Variants in DSC1 observed in about 807,000 individuals in gnomAD.
The protein encoded by DSC1 is desmocollin 1, also known as desmocollin-1.
In DSC1, 79 loss-of-function variants were observed where a neutral mutation model predicts 98.8. The observed-to-expected ratio is 0.80, with a 90% CI of 0.67 to 0.96. The LOEUF is 0.96. Among genes scored for constraint, DSC1 ranks in the 50% least tolerant of loss-of-function variants. The pLI is 0.00. For missense variants in DSC1, 1,115 were observed against 1,075.9 expected, an observed-to-expected ratio of 1.04 and a Z score of -0.51; for synonymous variants, 405 against 372.1, an observed-to-expected ratio of 1.09 and a Z score of -1.02.
intron 5 of DSC1, among the ~76,000 whole-genome samples, chr18:31,152,158 T>C (rs1480346961): frequency 7.0e-6 from 1 of 142,858 alleles, no homozygotes; most frequent in Non-Finnish European, 1.5e-5. Flanking sequence ...TGACACCCTA[T>C]ATCAAAAAAA....
intron 3 of DSC1, among the ~76,000 whole-genome samples, chr18:31,156,444 A>T (rs1989100103): frequency 6.6e-6 from 1 of 152,218 alleles, no homozygotes; most frequent in South Asian, 2.1e-4. Flanking sequence ...CCTAAAATAG[A>T]TAATTCATTA....
In DSC1 at chr18:31,154,861, T is replaced by C. The variant is rs1989065020; in HGVS notation, c.540A>G (p.Glu180=). The C allele has an allele frequency of 6.2e-7, 1 of 1,614,064 alleles. No individual in the cohort carries two copies. The highest frequency in any genetic ancestry group is 8.5e-7 in the Non-Finnish European group (1 of 1,179,982). The change falls in exon 5 of 16, where the codon GAA becomes GAG. Residue 180 remains glutamate (E), a synonymous_variant. Transcript: ENST00000257198. ...YSISGPGVDK[E]PFNLFYIEKD... is the part of the protein sequence containing the mutation. ...TCTCTATGTAAAACAAATTGAAGGG[T>C]TCTTTGTCCACGCCTGGCCCACTTA... is the stretch of plus-strand genomic sequence containing the variant.
intron 4 of DSC1, 120 bp from the exon 5 acceptor site, chr18:31,155,049 CT>C (rs2143927138): frequency 1.1e-5 from 14 of 1,218,146 alleles, no homozygotes; most frequent in Non-Finnish European, 1.6e-5. Flanking sequence ...TTCTTTCTTT[CT>C]TCTGCTTAGG....
intron 11 of DSC1, among the ~76,000 whole-genome samples, chr18:31,138,976 T>C (rs185358487): frequency 3.3e-5 from 5 of 152,192 alleles, no homozygotes; most frequent in African/African-American, 1.2e-4. Flanking sequence ...CTTCTACTTA[T>C]ATTTTTATCA....
At chr18:31,146,536 T>A (rs2577070) in intron 6 of DSC1, among the ~76,000 whole-genome samples, 31 of 152,114 alleles carry the variant, frequency 2.0e-4, no homozygotes, top group Admixed American at 2.0e-3. Flanking sequence ...GTGAATGGTG[T>A]GGCAACAAAC....
intron 6 of DSC1, among the ~76,000 whole-genome samples, chr18:31,146,229 C>T: frequency 6.6e-6 from 1 of 152,100 alleles, no homozygotes; most frequent in Non-Finnish European, 1.5e-5. Context: ...TCAGCCCCTT[C>T]CCTCCTCCTT....
At position 31,156,129 on chromosome 18, in the gene DSC1, G is replaced by C; in HGVS notation, c.385C>G (p.Leu129Val). Residue 129 changes from leucine to valine, a missense_variant, in exon 4 of 16, where the codon CTC becomes GTC. By Grantham distance (32) the Leu-to-Val change is conservative. Coordinates refer to ENST00000257198, the MANE Select transcript of DSC1 (RefSeq NM_024421.2). ...GCCCATCGTCTCTTGCTGCGCTTGAGGGCTGTGTCTTTGGTATGTCTCTTC... is the reference window on the plus strand; with the variant it reads ...GCCCATCGTCTCTTGCTGCGCTTGACGGCTGTGTCTTTGGTATGTCTCTTC... Reference protein sequence around the residue: ...PKKRHTKDTALKRSKRRWAPI... With the variant: ...PKKRHTKDTAVKRSKRRWAPI... 6.2e-7 allele frequency: 1 copy of C among 1,614,112 alleles called. No homozygotes were observed. The highest frequency in any genetic ancestry group is 8.5e-7 in the Non-Finnish European group (1 of 1,180,026).
intron 3 of DSC1, 42 bp from the exon 4 acceptor site, chr18:31,156,204 A>G (rs374813222): frequency 7.5e-5 from 119 of 1,590,912 alleles, no homozygotes; most frequent in Non-Finnish European, 1.0e-4. Context: ...ATTGCTTATC[A>G]TTTTTTGGAA....
chr18:31,144,667 G>A (rs148522983), intron 7 of DSC1, among the ~76,000 whole-genome samples: 39 of 152,236 alleles, frequency 2.6e-4, no homozygotes, highest in African/African-American at 8.7e-4. Context: ...AGGATTTTTA[G>A]GGCAGTGAAA....
At position 31,150,372 on chromosome 18, in the gene DSC1, C is replaced by CA. The variant is rs1568002870; in HGVS notation, c.628-1731_628-1730insT. On this transcript the variant is annotated intron_variant, in intron 5 of 15. Coordinates refer to ENST00000257198, the MANE Select transcript of DSC1 (RefSeq NM_024421.2). Reference sequence around the variant, plus strand: ...ACCACCACCACCATCATCACCACCACCATCATCACCACCATCACCACCATT... The same window carrying CA: ...ACCACCACCACCATCATCACCACCACACATCATCACCACCATCACCACCATT... 2.3e-4 allele frequency among the ~76,000 whole-genome samples: 21 copies of CA among 89,942 alleles called. 5 individuals carry two copies. The highest frequency in any genetic ancestry group is 1.4e-3 in the East Asian group (3 of 2,166). 59.0% of individuals were successfully genotyped at this position (89,942 alleles called of 152,430 possible).
intron 13 of DSC1, among the ~76,000 whole-genome samples, chr18:31,133,562 T>A (rs1988541148): frequency 6.6e-6 from 1 of 152,160 alleles, no homozygotes; most frequent in Admixed American, 6.5e-5. Context: ...AAGACTATAT[T>A]ATTTTACATG....
Position 31,142,029 on chromosome 18 carries a change from A to T in DSC1, c.1230T>A (p.Asn410Lys). ...CAACACACAGCACTCCTTCATTTGT[A>T]TTTGGATCTGTGCTAATTATGAAGT... ...NGNFIISTDP[N>K]TNEGVLCVVK... Residue 410 changes from asparagine to lysine, a missense_variant, in exon 9 of 16, where the codon AAT becomes AAA. By Grantham distance (94) the Asn-to-Lys change is moderately conservative. Transcript: ENST00000257198. 1.2e-6 allele frequency: 2 copies of T among 1,609,054 alleles called. No individual in the cohort carries two copies. Among genetic ancestry groups the T allele is most frequent in the African/African-American group, 2.7e-5 (2 of 74,672 alleles).
chr18:31,157,197 G>A (rs2246737), intron 3 of DSC1, among the ~76,000 whole-genome samples, 174 bp downstream of exon 3: 78,514 of 152,088 alleles, frequency 0.52, 21,326 homozygotes, highest in East Asian at 0.66. Context: ...GTTTGTAAAT[G>A]GCTCTGCCAC....
At chr18:31,142,290 G>T in intron 8 of DSC1, 106 bp from the exon 9 acceptor site, 1 of 1,224,244 alleles carries the variant, frequency 8.2e-7, no homozygotes, top group Non-Finnish European at 1.1e-6. Flanking sequence ...GATGTGAAAA[G>T]CTGCCCTCAC....
At chr18:31,157,599 T>C in intron 2 of DSC1, 26 bp from the exon 3 acceptor site, 1 of 1,613,418 alleles carries the variant, frequency 6.2e-7, no homozygotes, top group Non-Finnish European at 8.5e-7. Context: ...ATCACAGCAG[T>C]TTGTCAGATG....
In DSC1 at chr18:31,139,771, A is replaced by C; in HGVS notation, c.1640T>G (p.Ile547Ser). The stretch of plus-strand genomic sequence containing the variant: ...ACCTGCATCCACTGCAACAACTGAA[A>C]TATTGTATTGGTTGTTTTTTACAAA... ...SKFVKNNQYN[I>S]SVVAVDAVGR... The change falls in exon 11 of 16, where the codon ATT (isoleucine) becomes AGT (serine). Residue 547 changes from isoleucine (I) to serine (S), a missense_variant. Coordinates refer to ENST00000257198, the MANE Select transcript of DSC1 (RefSeq NM_024421.2). The C allele has an allele frequency of 6.2e-7, 1 of 1,607,426 alleles. No individual in the cohort carries two copies. Among genetic ancestry groups the C allele is most frequent in the Non-Finnish European group, 8.5e-7 (1 of 1,177,720 alleles).
rs1361292980 is a variant in DSC1 at position 31,129,983 on chromosome 18, A to G, written c.*531T>C. ...ACTGCTCTGAGGAGTACAAAAGTGT[A>G]AAAGAGAAATGAACTTAATCACAAA... On this transcript the variant is annotated 3_prime_UTR_variant, in exon 16 of 16. Transcript: ENST00000257198. 4 of 155,880 alleles carry G rather than the reference A, an allele frequency of 2.6e-5. No individual in the cohort carries two copies. The highest frequency in any genetic ancestry group is 7.2e-5 in the African/African-American group (3 of 41,478). 9.7% of individuals were successfully genotyped at this position (155,880 alleles called of 1,614,324 possible).
At position 31,157,493 on chromosome 18, in the gene DSC1, T is replaced by C. The variant is rs376816945; in HGVS notation, c.229A>G (p.Ile77Val). 4.3e-6 allele frequency: 7 copies of C among 1,614,118 alleles called. No homozygotes were observed. The Admixed American group carries it at 5.0e-5, about 12-fold the overall frequency. Residue 77 changes from isoleucine (I) to valine (V), a missense_variant, in exon 3 of 16, where the codon ATT becomes GTT. Transcript: ENST00000257198. The stretch of plus-strand genomic sequence containing the variant: ...AAAATGAGGTCATGTGTTGTGTAAA[T>C]TGAGCCATCTTCTAGAATTCTGAAG... ...PAFRILEDGS[I>V]YTTHDLILSS...
intron 13 of DSC1, 38 bp downstream of exon 13, chr18:31,133,853 G>C: frequency 6.5e-7 from 1 of 1,541,860 alleles, no homozygotes; most frequent in African/African-American, 1.4e-5. Flanking sequence ...TAAAATTTTA[G>C]CTAACACATT....
Sources: allele counts gnomAD v4.1 joint callset (sites outside exome capture counted in the v4.1 genomes callset), GRCh38; gene constraint gnomAD v4.1.1; transcripts MANE v1.5; gene names NCBI Gene and HGNC (gene_info 2026-07-23, HGNC 2026-07-21).